PPP1R12A: variants seen among roughly 807,000 people sequenced by gnomAD.
The protein encoded by PPP1R12A is myosin binding subunit.
Under a neutral mutation model 139.6 loss-of-function variants are expected in PPP1R12A, and 19 were observed. The ratio of observed to expected loss-of-function variants is 0.14; its 90% CI spans 0.09 to 0.20. The LOEUF (loss-of-function observed/expected upper bound fraction) is 0.20, where lower values mean the gene tolerates loss of function less well. Ranked by LOEUF, PPP1R12A falls within the 10% of genes least tolerant of loss-of-function variation. PPP1R12A has a pLI of 1.00. For missense variants in PPP1R12A, 925 were observed against 1,211.5 expected (o/e 0.76, Z 3.51); for synonymous variants, 427 against 420.6 (o/e 1.02, Z -0.19).
intron 17 of PPP1R12A, 150 bp downstream of exon 17, chr12:79,796,632 T>A (rs1183594139): frequency 3.4e-6 from 2 of 581,026 alleles, no homozygotes; most frequent in Non-Finnish European, 5.5e-6. Flanking sequence ...TCTACTTTTC[T>A]CATTCTCAAC....
intron 1 of PPP1R12A, among the ~76,000 whole-genome samples, chr12:79,894,623 G>T (rs1048827135): frequency 2.0e-5 from 3 of 151,954 alleles, no homozygotes; most frequent in African/African-American, 7.3e-5. Flanking sequence ...ACAAAAAGGA[G>T]TATATATATA....
intron 3 of PPP1R12A, among the ~76,000 whole-genome samples, chr12:79,837,756 T>A (rs1352355993): frequency 6.6e-6 from 1 of 152,192 alleles, no homozygotes; most frequent in Non-Finnish European, 1.5e-5. Context: ...CCAGCCGCCA[T>A]GTGAAGAAGG....
intron 1 of PPP1R12A, 60 bp downstream of exon 1, chr12:79,934,635 C>G (rs1232548827): frequency 2.9e-5 from 42 of 1,425,444 alleles, no homozygotes; most frequent in South Asian, 1.5e-4. Flanking sequence ...AGGGCAGGCC[C>G]GAGCAGGAGG....
chr12:79,776,277 T>G (rs966859731), intron 24 of PPP1R12A, among the ~76,000 whole-genome samples: 2 of 152,108 alleles, frequency 1.3e-5, no homozygotes, highest in Non-Finnish European at 2.9e-5. Context: ...TCACTTGATT[T>G]TATGACTCAC....
intron 1 of PPP1R12A, among the ~76,000 whole-genome samples, chr12:79,881,070 C>T (rs957821826): frequency 1.3e-5 from 2 of 152,014 alleles, no homozygotes; most frequent in Non-Finnish European, 2.9e-5. Context: ...CTCCACAAAC[C>T]GGCAGTTCCC....
intron 5 of PPP1R12A, chr12:79,825,153 T>C (rs1050432411): frequency 3.3e-5 from 5 of 152,134 alleles, no homozygotes; most frequent in African/African-American, 1.2e-4. Context: ...TCTCTACTAG[T>C]GTGTCATTTT....
At chr12:79,850,094 G>C (rs1487578991) in intron 2 of PPP1R12A, among the ~76,000 whole-genome samples, 3 of 152,052 alleles carry the variant, frequency 2.0e-5, no homozygotes, top group African/African-American at 7.2e-5. Context: ...TTACAGGTGT[G>C]AGCCACCGGG....
At chr12:79,865,650 T>G (rs1261896754) in intron 2 of PPP1R12A, among the ~76,000 whole-genome samples, 1 of 152,088 alleles carries the variant, frequency 6.6e-6, no homozygotes, top group African/African-American at 2.4e-5. Context: ...TGTACAAAAA[T>G]CACAAGCATC....
At chr12:79,915,925 T>C (rs1306020176) in intron 1 of PPP1R12A, among the ~76,000 whole-genome samples, 7 of 152,016 alleles carry the variant, frequency 4.6e-5, no homozygotes, top group Non-Finnish European at 8.8e-5. Flanking sequence ...AGCCTTTCCA[T>C]GTGCTTTACA....
chr12:79,879,490 G>A (rs1883428266), intron 1 of PPP1R12A, among the ~76,000 whole-genome samples: 1 of 152,146 alleles, frequency 6.6e-6, no homozygotes, highest in Admixed American at 6.5e-5. Flanking sequence ...GTGGGGTGAG[G>A]TGTAGAAAGG....
intron 23 of PPP1R12A, chr12:79,779,828 T>C (rs1447986382): frequency 4.9e-5 from 8 of 161,648 alleles, no homozygotes; most frequent in African/African-American, 1.9e-4. Flanking sequence ...TACACCCAAC[T>C]GCCTGATTCT....
intron 4 of PPP1R12A, among the ~76,000 whole-genome samples, chr12:79,829,215 T>C (rs887312103): frequency 9.2e-5 from 14 of 152,202 alleles, no homozygotes; most frequent in South Asian, 2.1e-4. Context: ...CAAGGATGGG[T>C]CTATAAACTG....
At chr12:79,803,670 A>G (rs1351018680) in intron 14 of PPP1R12A, among the ~76,000 whole-genome samples, 2 of 152,204 alleles carry the variant, frequency 1.3e-5, no homozygotes, top group Non-Finnish European at 2.9e-5. Context: ...ATTATTTCAC[A>G]TGGAACAAAA....
intron 1 of PPP1R12A, among the ~76,000 whole-genome samples, chr12:79,902,099 T>C (rs1801295307): frequency 6.6e-6 from 1 of 152,196 alleles, no homozygotes; most frequent in Non-Finnish European, 1.5e-5. Context: ...TTGTTAAAGA[T>C]TTGAGATCTT....
At position 79,929,068 on chromosome 12, in the gene PPP1R12A, G is replaced by A. The variant is rs141657211; in HGVS notation, c.237+5627C>T. ...AATGACAATTTTTCCACAGATGTGG[G>A]TTGGGGAGTGGGGCCGGATGAAACT... is the stretch of plus-strand genomic sequence containing the variant. On this transcript the variant is annotated intron_variant, in intron 1 of 24. Coordinates refer to ENST00000450142, the MANE Select transcript of PPP1R12A (RefSeq NM_002480.3). 6.0e-3 allele frequency among the ~76,000 whole-genome samples: 908 copies of A among 152,312 alleles called. 9 individuals carry two copies. The highest frequency in any genetic ancestry group is 0.021 in the African/African-American group (870 of 41,558).
At chr12:79,922,020 G>T (rs1887476867) in intron 1 of PPP1R12A, among the ~76,000 whole-genome samples, 1 of 152,172 alleles carries the variant, frequency 6.6e-6, no homozygotes. Flanking sequence ...GGATGCCAAG[G>T]CAGGAGGATT....
intron 3 of PPP1R12A, among the ~76,000 whole-genome samples, chr12:79,833,821 A>T (rs1877741697): frequency 7.1e-6 from 1 of 139,870 alleles, no homozygotes. Flanking sequence ...TGGGCAACGG[A>T]GTGAGACTTT....
In PPP1R12A at chr12:79,817,374, C is replaced by T; in HGVS notation, c.1239+20G>A. Reference sequence around the variant, plus strand: ...ATAAATAGAATACATGTATTTTCAGCAAATACAATTTTGGCTTACCTTTTT... The same window carrying T: ...ATAAATAGAATACATGTATTTTCAGTAAATACAATTTTGGCTTACCTTTTT... On this transcript the variant is annotated intron_variant, in intron 9 of 24. Coordinates refer to ENST00000450142, the MANE Select transcript of PPP1R12A (RefSeq NM_002480.3). 1 of 1,602,870 alleles carries T rather than the reference C, an allele frequency of 6.2e-7. No homozygotes were observed. The highest frequency in any genetic ancestry group is 8.5e-7 in the Non-Finnish European group (1 of 1,172,824).
Position 79,817,481 on chromosome 12 carries a change from G to T in PPP1R12A, c.1152C>A (p.Asn384Lys), listed in dbSNP as rs1875551665. The change falls in exon 9 of 25, where the codon AAC becomes AAA. Residue 384 changes from asparagine (N) to lysine (K), a missense_variant. This residue lies in a region of PPP1R12A where 403 missense variants were observed against 463.7 expected (regional missense o/e 0.87). Transcript: ENST00000450142. Reference protein sequence around the residue: ...TKPLASVTNANTSSTQAAPVA... With the variant: ...TKPLASVTNAKTSSTQAAPVA... ...CAGGAGCTGCTTGTGTACTAGAAGT[G>T]TTGGCATTAGTTACAGAAGCCAGGG... 1 of 1,602,650 alleles carries T rather than the reference G, an allele frequency of 6.2e-7. No individual in the cohort carries two copies.
Sources: gnomAD v4.1 joint callset for allele counts (sites outside exome capture counted in the v4.1 genomes callset) on GRCh38, gnomAD v4.1.1 for gene constraint, gnomAD v4.1.1 regional missense constraint, MANE v1.5 for transcripts, NCBI Gene and HGNC (gene_info 2026-07-23, HGNC 2026-07-21) for gene names.